HBS1L: variants seen among roughly 807,000 people sequenced by gnomAD.
The protein encoded by HBS1L is HBS1 like translational GTPase, also known as HBS1-like protein.
HBS1L carries 55 observed loss-of-function variants against 88.9 expected under a neutral mutation model. The observed-to-expected ratio is 0.62, with a 90% CI of 0.50 to 0.77. The LOEUF (loss-of-function observed/expected upper bound fraction) is 0.77. Among genes scored for constraint, HBS1L ranks in the 30% least tolerant of loss-of-function variants. The probability of loss-of-function intolerance (pLI) is 0.00; values close to 1 mark genes in which losing one functional copy is unlikely to be tolerated. For missense variants in HBS1L, 741 were observed against 829.3 expected, an observed-to-expected ratio of 0.89 and a Z score of 1.31; for synonymous variants, 267 against 288.5, an observed-to-expected ratio of 0.93 and a Z score of 0.76.
At chr6:135,008,083 TA>T (rs1163034085) in intron 4 of HBS1L, among the ~76,000 whole-genome samples, 3 of 152,246 alleles carry the variant, frequency 2.0e-5, no homozygotes, top group African/African-American at 7.2e-5. Context: ...GAGATAAAAA[TA>T]AAATGCACCA....
intron 5 of HBS1L, among the ~76,000 whole-genome samples, chr6:134,999,448 C>CTTTTTTTTTTTTTTTTTTT: frequency 8.0e-6 from 1 of 124,776 alleles, no homozygotes; most frequent in Non-Finnish European, 1.6e-5. Context: ...TTTTTCTTTT[C>CTTTTTTTTTTTTTTTTTTT]TTTTTTTTTT....
In HBS1L at chr6:135,050,611, T is replaced by C. The variant is rs1440628800; in HGVS notation, c.80A>G (p.Glu27Gly). ...TGACGGCGAAATACAATAATCATCCTCTACAGACTGGCCGTAGAGATCATC... is the reference window on the plus strand; with the variant it reads ...TGACGGCGAAATACAATAATCATCCCCTACAGACTGGCCGTAGAGATCATC... ...EDDDLYGQSV[E>G]DDYCISPSTA... Residue 27 changes from glutamate to glycine, a missense_variant, in exon 2 of 18, where the codon GAG becomes GGG. By Grantham distance (98) the Glu-to-Gly change is moderately conservative. This residue lies in a region of HBS1L where 556 missense variants were observed against 598.4 expected (regional missense o/e 0.93). Transcript: ENST00000367837. 3 of 1,596,786 alleles carry C rather than the reference T, an allele frequency of 1.9e-6. No homozygotes were observed. The highest frequency in any genetic ancestry group is 1.7e-6 in the Non-Finnish European group (2 of 1,170,354).
At chr6:135,035,921 G>C (rs2114891883) in intron 4 of HBS1L, 1 of 625,310 alleles carries the variant, frequency 1.6e-6, no homozygotes, top group South Asian at 7.2e-5. Context: ...TTTTAAAAAT[G>C]TATAAAAATA....
At position 135,022,763 on chromosome 6, in the gene HBS1L, G is replaced by A. The variant is rs1776108436; in HGVS notation, c.430+16810C>T. 2.6e-5 allele frequency among the ~76,000 whole-genome samples: 4 copies of A among 152,012 alleles called. No individual in the cohort carries two copies. In the South Asian group the frequency reaches 8.3e-4, roughly 32 times the overall value. ...TGACTGTTAACAATCTACTAAAAAG[G>A]ATTAAAAGATGCATTTTAAGTGCAT... On this transcript the variant is annotated intron_variant, in intron 4 of 17. Transcript: ENST00000367837.
At chr6:135,031,322 AT>A (rs1472131148) in intron 4 of HBS1L, among the ~76,000 whole-genome samples, 1 of 152,060 alleles carries the variant, frequency 6.6e-6, no homozygotes, top group African/African-American at 2.4e-5. Context: ...CTACCTCTGT[AT>A]TTCTTGTAGG....
intron 16 of HBS1L, among the ~76,000 whole-genome samples, chr6:134,967,158 C>T (rs1774340543): frequency 6.6e-6 from 1 of 152,168 alleles, no homozygotes; most frequent in African/African-American, 2.4e-5. Flanking sequence ...GAACAAAAAT[C>T]TCTAGGCTAG....
chr6:135,005,460 T>C (rs1775584808), intron 4 of HBS1L, among the ~76,000 whole-genome samples: 2 of 152,198 alleles, frequency 1.3e-5, no homozygotes, highest in Admixed American at 6.5e-5. Context: ...ATACTACAGA[T>C]GGTATGTACA....
chr6:134,982,308 T>C (rs1774852645), intron 13 of HBS1L, 150 bp downstream of exon 13: 1 of 590,674 alleles, frequency 1.7e-6, no homozygotes, highest in Admixed American at 3.0e-5. Flanking sequence ...TGTTTTCACA[T>C]TTTAATCTTC....
At chr6:134,995,420 C>T (rs551954328) in intron 7 of HBS1L, among the ~76,000 whole-genome samples, 55 of 152,062 alleles carry the variant, frequency 3.6e-4, no homozygotes, top group African/African-American at 1.3e-3. Context: ...AAACTTATAT[C>T]ATGCTGAGCA....
chr6:135,035,798 C>CAGT, intron 4 of HBS1L: 2 of 173,632 alleles, frequency 1.2e-5, no homozygotes, highest in Non-Finnish European at 1.9e-5. Context: ...AAAGCAGCAG[C>CAGT]AGCAGCAGAA....
At chr6:135,010,731 G>A (rs1251393206) in intron 4 of HBS1L, among the ~76,000 whole-genome samples, 4 of 152,082 alleles carry the variant, frequency 2.6e-5, no homozygotes, top group Non-Finnish European at 5.9e-5. Flanking sequence ...TTTTGGGGGG[G>A]AAAATGCCAA....
At chr6:135,022,533 A>G (rs369167312) in intron 4 of HBS1L, among the ~76,000 whole-genome samples, 50 of 152,312 alleles carry the variant, frequency 3.3e-4, no homozygotes, top group Non-Finnish European at 2.2e-4. Context: ...ATTCTGAACT[A>G]AAGCTTTTTC....
chr6:135,007,458 A>G (rs1775645165), intron 4 of HBS1L, among the ~76,000 whole-genome samples: 1 of 152,218 alleles, frequency 6.6e-6, no homozygotes, highest in Admixed American at 6.5e-5. Context: ...CTGAGAGATA[A>G]CCATGGCTAA....
intron 8 of HBS1L, 149 bp downstream of exon 8, chr6:134,993,609 T>A (rs1372826487): frequency 9.6e-6 from 4 of 418,354 alleles, no homozygotes; most frequent in African/African-American, 2.0e-5. Context: ...AAAAATACAA[T>A]ATTGCTCTTT....
At position 134,961,573 on chromosome 6, in the gene HBS1L, A is replaced by G. The variant is rs1211447317; in HGVS notation, c.*3706T>C. ...CAGCCAACCTCTTCTTGTGGCTAAC[A>G]TGGGTGACTGTTGCTTCTTTCCTTT... On this transcript the variant is annotated 3_prime_UTR_variant, in exon 18 of 18. Transcript: ENST00000367837. The G allele has an allele frequency of 2.0e-5, 3 of 152,198 alleles. No individual in the cohort carries two copies. Among genetic ancestry groups the G allele is most frequent in the Admixed American group, 6.5e-5 (1 of 15,274 alleles). The allele number at this position is 152,198 out of a possible 1,614,324, so 9.4% of individuals were successfully genotyped here. A position where few individuals can be genotyped will look rare whatever the true frequency, so the allele number is the denominator to read the frequency against.
rs976382521 is a variant in HBS1L at position 135,029,983 on chromosome 6, G to T, written c.430+9590C>A. On this transcript the variant is annotated intron_variant, in intron 4 of 17. Transcript: ENST00000367837. ...AAAGAAGAAACAGTGTATTTACAGT[G>T]GCTTCCTCTAAGGAACAAGATTGTG... Among the ~76,000 whole-genome samples, 58 of 152,178 alleles carry T rather than the reference G, an allele frequency of 3.8e-4. 3 individuals carry two copies. Among genetic ancestry groups the T allele is most frequent in the Non-Finnish European group, 2.9e-5 (2 of 68,014 alleles).
chr6:134,980,518 A>G (rs946585558), intron 13 of HBS1L, among the ~76,000 whole-genome samples: 1 of 152,020 alleles, frequency 6.6e-6, no homozygotes, highest in Non-Finnish European at 1.5e-5. Context: ...AACAGAAGCT[A>G]GGTATTTACA....
At chr6:134,967,824 A>T (rs1774359504) in intron 16 of HBS1L, among the ~76,000 whole-genome samples, 1 of 152,232 alleles carries the variant, frequency 6.6e-6, no homozygotes, top group Admixed American at 6.5e-5. Flanking sequence ...GATTGCTAAG[A>T]ATATACATTA....
At chr6:135,037,189 T>G in intron 4 of HBS1L, 3 of 1,551,784 alleles carry the variant, frequency 1.9e-6, no homozygotes, top group Non-Finnish European at 2.6e-6. Flanking sequence ...GGGTGAAGAC[T>G]GACAGCGATT....
Sources: allele counts gnomAD v4.1 joint callset (sites outside exome capture counted in the v4.1 genomes callset), GRCh38; gene constraint gnomAD v4.1.1; regional missense constraint gnomAD v4.1.1; transcripts MANE v1.5; gene names NCBI Gene and HGNC (gene_info 2026-07-23, HGNC 2026-07-21).